SUPT3H: variants seen among roughly 807,000 people sequenced by gnomAD.
SUPT3H encodes the protein SPT3 homolog, SAGA and STAGA complex component, also known as transcription initiation protein SPT3 homolog.
SUPT3H carries 44 observed loss-of-function variants against 44.3 expected under a neutral mutation model. The ratio of observed to expected loss-of-function variants is 0.99; its 90% CI spans 0.78 to 1.28. The LOEUF (loss-of-function observed/expected upper bound fraction) is 1.28. Ranked by LOEUF, SUPT3H falls within the 50% of genes most tolerant of loss-of-function variation. SUPT3H has a pLI of 0.00. For missense variants in SUPT3H, 380 were observed against 387.1 expected, an observed-to-expected ratio of 0.98 and a Z score of 0.15; for synonymous variants, 124 against 125.6, an observed-to-expected ratio of 0.99 and a Z score of 0.09.
chr6:44,933,429 G>A (rs941246050), intron 9 of SUPT3H, among the ~76,000 whole-genome samples: 1 of 152,132 alleles, frequency 6.6e-6, no homozygotes, highest in African/African-American at 2.4e-5. Context: ...TTATAGATGT[G>A]TATATGTGTG....
At chr6:45,172,436 C>T (rs1420607540) in intron 2 of SUPT3H, among the ~76,000 whole-genome samples, 3 of 151,996 alleles carry the variant, frequency 2.0e-5, no homozygotes, top group Non-Finnish European at 4.4e-5. Flanking sequence ...TCTAACAATC[C>T]TGACCATCTC....
downstream of SUPT3H, among the ~76,000 whole-genome samples, chr6:44,822,518 GATGGAACTCAA>G (rs1767397655): frequency 2.0e-5 from 3 of 152,292 alleles, no homozygotes; most frequent in South Asian, 6.2e-4. Flanking sequence ...TATAGATTCA[GATGGAACTCAA>G]AGGTTCTTAG....
intron 9 of SUPT3H, among the ~76,000 whole-genome samples, chr6:44,939,156 G>C (rs538056921): frequency 6.6e-6 from 1 of 152,250 alleles, no homozygotes; most frequent in South Asian, 2.1e-4. Flanking sequence ...AGTTCTTTGA[G>C]GGAACGCTTT....
At chr6:45,260,886 A>G (rs181951950) in intron 2 of SUPT3H, among the ~76,000 whole-genome samples, 36 of 152,200 alleles carry the variant, frequency 2.4e-4, no homozygotes, top group African/African-American at 8.7e-4. Flanking sequence ...AAAATCACTG[A>G]AAGACTTTTG....
chr6:45,117,960 A>G (rs1314839609), intron 2 of SUPT3H, among the ~76,000 whole-genome samples: 2 of 152,118 alleles, frequency 1.3e-5, no homozygotes, highest in African/African-American at 4.8e-5. Context: ...GTATGCCCAG[A>G]AGAAATGTGT....
At chr6:45,002,694 A>C (rs1782164799) in intron 6 of SUPT3H, among the ~76,000 whole-genome samples, 1 of 152,112 alleles carries the variant, frequency 6.6e-6, no homozygotes, top group East Asian at 1.9e-4. Context: ...ACACATTTCT[A>C]AAGTAATTGA....
chr6:45,254,418 AAC>A (rs1212569110), intron 2 of SUPT3H, among the ~76,000 whole-genome samples: 1 of 152,194 alleles, frequency 6.6e-6, no homozygotes, highest in African/African-American at 2.4e-5. Flanking sequence ...TAAAATTTAA[AAC>A]AGTCTATGTC....
intron 11 of SUPT3H, among the ~76,000 whole-genome samples, chr6:44,815,417 GT>G (rs970152971): frequency 1.3e-5 from 2 of 152,050 alleles, no homozygotes; most frequent in African/African-American, 4.8e-5. Flanking sequence ...TGTAAAATGG[GT>G]TAAAAAGCAA....
At chr6:45,127,366 C>T (rs1283284177) in intron 2 of SUPT3H, among the ~76,000 whole-genome samples, 1 of 152,104 alleles carries the variant, frequency 6.6e-6, no homozygotes, top group Non-Finnish European at 1.5e-5. Context: ...TCCTCATACA[C>T]TGTCATCATA....
At chr6:45,140,411 G>T (rs1382356693) in intron 2 of SUPT3H, among the ~76,000 whole-genome samples, 1 of 152,088 alleles carries the variant, frequency 6.6e-6, no homozygotes, top group African/African-American at 2.4e-5. Context: ...CCCTACTACT[G>T]CTACAGCTGG....
chr6:44,943,957 T>C (rs186043620), intron 9 of SUPT3H, among the ~76,000 whole-genome samples: 2 of 152,040 alleles, frequency 1.3e-5, no homozygotes, highest in Admixed American at 6.5e-5. Flanking sequence ...TAAAGAACAA[T>C]GGGAATGGTA....
At chr6:45,237,723 G>C (rs1769464023) in intron 2 of SUPT3H, among the ~76,000 whole-genome samples, 1 of 152,114 alleles carries the variant, frequency 6.6e-6, no homozygotes. Context: ...GAAAATGGAG[G>C]CTTTAGAGGA....
intron 2 of SUPT3H, among the ~76,000 whole-genome samples, chr6:45,143,414 T>C (rs188822143): frequency 5.3e-5 from 8 of 152,158 alleles, no homozygotes; most frequent in Admixed American, 4.6e-4. Context: ...TTTGAAACAA[T>C]ACAAATATAT....
At chr6:44,851,530 A>G (rs1772880344) in intron 10 of SUPT3H, among the ~76,000 whole-genome samples, 1 of 152,188 alleles carries the variant, frequency 6.6e-6, no homozygotes, top group Non-Finnish European at 1.5e-5. Flanking sequence ...TGATGAGAAA[A>G]AGTGTGATTT....
chr6:45,288,738 T>C (rs1779810581), intron 2 of SUPT3H, among the ~76,000 whole-genome samples: 1 of 151,058 alleles, frequency 6.6e-6, no homozygotes, highest in Non-Finnish European at 1.5e-5. Flanking sequence ...ATATTCTAAA[T>C]ATTCACCGTT....
intron 10 of SUPT3H, among the ~76,000 whole-genome samples, chr6:44,836,431 G>A (rs1426979464): frequency 1.3e-5 from 2 of 152,110 alleles, no homozygotes; most frequent in East Asian, 3.9e-4. Context: ...TTAAATAAGA[G>A]GTCTTCTCCG....
rs750260472 is a variant in SUPT3H, at chr6:44,954,574, TC to T, written c.613del (p.Asp205ThrfsTer7). ...KKASKFRDWLDCSSMEIKPNV... is the reference protein window; with the variant it reads ...KKASKFRDWLXCSSMEIKPNV... ...GGGTTTTATCTCCATACTGCTGCAG[TC>T]CAACCAGTCTCGAAATTTGGAAGCT... On this transcript the variant is annotated frameshift_variant, in exon 8 of 11. Coordinates refer to ENST00000371459, the MANE Select transcript of SUPT3H (RefSeq NM_003599.4). LOFTEE classifies it high-confidence loss of function. 6.2e-7 allele frequency: 1 copy of T among 1,613,550 alleles called. No homozygotes were observed. The highest frequency in any genetic ancestry group is 1.1e-5 in the South Asian group (1 of 90,740).
chr6:44,987,679 G>T (rs986956655), intron 6 of SUPT3H, among the ~76,000 whole-genome samples: 1 of 151,736 alleles, frequency 6.6e-6, no homozygotes, highest in African/African-American at 2.4e-5. Context: ...AAATATAGTT[G>T]AAAGCTTTTT....
At chr6:45,344,632 C>T (rs1444357351) in intron 2 of SUPT3H, among the ~76,000 whole-genome samples, 2 of 152,054 alleles carry the variant, frequency 1.3e-5, no homozygotes, top group Non-Finnish European at 2.9e-5. Flanking sequence ...ATTTAAAACC[C>T]ATTAAAAATC....
Sources: allele counts gnomAD v4.1 joint callset (sites outside exome capture counted in the v4.1 genomes callset), GRCh38; gene constraint gnomAD v4.1.1; transcripts MANE v1.5; gene names NCBI Gene and HGNC (gene_info 2026-07-23, HGNC 2026-07-21).